The following TTC27 variants were observed in gnomAD, a reference collection of about 807,000 sequenced individuals.
TTC27 encodes the protein tetratricopeptide repeat domain 27.
Under a neutral mutation model 115.9 loss-of-function variants are expected in TTC27, and 79 were observed. That is an observed-to-expected ratio of 0.68 (90% confidence interval 0.57 to 0.82). TTC27 has a LOEUF of 0.82. Ranked by LOEUF, TTC27 falls within the 40% of genes least tolerant of loss-of-function variation. TTC27 has a pLI of 0.00. For synonymous variants in TTC27, 401 were observed against 356.0 expected (o/e 1.13, Z -1.42); for missense variants, 1,054 against 993.1 (o/e 1.06, Z -0.82).
At chr2:32,797,956 G>A (rs993809243) in intron 16 of TTC27, among the ~76,000 whole-genome samples, 6 of 151,994 alleles carry the variant, frequency 3.9e-5, no homozygotes, top group Admixed American at 1.3e-4. Context: ...AATGTGCAAA[G>A]GAGTTGAATA....
chr2:32,767,110 A>G (rs1450941034), intron 13 of TTC27, among the ~76,000 whole-genome samples: 1 of 152,126 alleles, frequency 6.6e-6, no homozygotes, highest in African/African-American at 2.4e-5. Context: ...AGCAAATCCC[A>G]TACATCAAAT....
chr2:32,780,578 T>C (rs1670142355), intron 14 of TTC27, among the ~76,000 whole-genome samples: 1 of 152,096 alleles, frequency 6.6e-6, no homozygotes, highest in Non-Finnish European at 1.5e-5. Flanking sequence ...TAGCTGGGAT[T>C]ACAGGTGTGC....
intron 12 of TTC27, among the ~76,000 whole-genome samples, chr2:32,739,336 C>T (rs1668550048): frequency 6.6e-6 from 1 of 151,942 alleles, no homozygotes; most frequent in African/African-American, 2.4e-5. Flanking sequence ...ATGCTCAAAG[C>T]ATATTTTAGA....
intron 15 of TTC27, among the ~76,000 whole-genome samples, chr2:32,784,707 T>C (rs1471664315): frequency 1.3e-5 from 2 of 152,136 alleles, no homozygotes; most frequent in Non-Finnish European, 2.9e-5. Flanking sequence ...ATGGAACAAT[T>C]TTGAGGCTAG....
At position 32,655,109 on chromosome 2, in the gene TTC27, C is replaced by A. The variant is rs150765695; in HGVS notation, c.640+4876C>A. Among the ~76,000 whole-genome samples the A allele has an allele frequency of 9.6e-3, 1,467 of 152,060 alleles. 19 individuals carry two copies. The highest frequency in any genetic ancestry group is 0.034 in the African/African-American group (1,424 of 41,478). On this transcript the variant is annotated intron_variant, in intron 5 of 19. Coordinates refer to ENST00000317907, the MANE Select transcript of TTC27 (RefSeq NM_017735.5). ...GTTCAAGTGATTCTCCTACCTCAGC[C>A]TCTCAAGCAGCTGGGACTATGGGTG...
At chr2:32,800,735 A>C (rs1449134430) in intron 16 of TTC27, among the ~76,000 whole-genome samples, 2 of 149,518 alleles carry the variant, frequency 1.3e-5, no homozygotes, top group Admixed American at 6.6e-5. Flanking sequence ...CCTGACCTCA[A>C]GTGATCCACC....
intron 13 of TTC27, among the ~76,000 whole-genome samples, chr2:32,776,055 TTC>T (rs1669987484): frequency 1.3e-5 from 2 of 152,138 alleles, no homozygotes; most frequent in African/African-American, 4.8e-5. Context: ...AAAAGTGAAC[TTC>T]TAACTTTTAG....
At chr2:32,729,753 A>G (rs1022870113) in intron 10 of TTC27, among the ~76,000 whole-genome samples, 14 of 152,028 alleles carry the variant, frequency 9.2e-5, no homozygotes, top group African/African-American at 3.4e-4. Flanking sequence ...TCATCCACCT[A>G]GAGTAGACTG....
intron 10 of TTC27, among the ~76,000 whole-genome samples, chr2:32,714,920 C>G (rs1667704654): frequency 6.6e-6 from 1 of 152,086 alleles, no homozygotes; most frequent in Non-Finnish European, 1.5e-5. Flanking sequence ...CCTTTGCCCA[C>G]TTTTTAATGG....
chr2:32,766,346 A>G, intron 13 of TTC27: 1 of 209,210 alleles, frequency 4.8e-6, no homozygotes, highest in South Asian at 6.5e-5. Flanking sequence ...TGTGATCCAC[A>G]GTCCCTCATC....
rs552408196 is a variant in TTC27, at chr2:32,630,949, C to A, written c.266+249C>A. Among the ~76,000 whole-genome samples, 16 of 152,240 alleles carry A rather than the reference C, an allele frequency of 1.1e-4. No homozygotes were observed. The East Asian group carries it at 3.1e-3, about 29-fold the overall frequency. On this transcript the variant is annotated intron_variant, in intron 2 of 19. Transcript: ENST00000317907. ...CATATTTTGGTGTTAACTGCAAATG[C>A]TTAGGTCTGGTCGGCTTTACCCACC...
chr2:32,728,649 A>G (rs182219677), intron 10 of TTC27, among the ~76,000 whole-genome samples: 36 of 152,356 alleles, frequency 2.4e-4, no homozygotes, highest in Admixed American at 2.3e-3. Flanking sequence ...AAAGTTGCCA[A>G]CTGTGGTCTT....
At chr2:32,752,013 A>G (rs1669035165) in intron 12 of TTC27, among the ~76,000 whole-genome samples, 1 of 152,214 alleles carries the variant, frequency 6.6e-6, no homozygotes, top group Non-Finnish European at 1.5e-5. Context: ...GTCACTACTT[A>G]AGATCCATGC....
chr2:32,683,678 A>G (rs1272387796), intron 9 of TTC27, among the ~76,000 whole-genome samples: 3 of 152,186 alleles, frequency 2.0e-5, no homozygotes, highest in African/African-American at 7.2e-5. Context: ...AAAATAACCC[A>G]TATTGTTTTA....
chr2:32,679,495 G>A (rs994295948), intron 9 of TTC27, among the ~76,000 whole-genome samples: 5 of 152,336 alleles, frequency 3.3e-5, no homozygotes, highest in South Asian at 2.1e-4. Flanking sequence ...AGTCACAGAC[G>A]AAGGGGTCAG....
At chr2:32,639,146 C>T (rs1020865218) in intron 3 of TTC27, among the ~76,000 whole-genome samples, 2 of 152,118 alleles carry the variant, frequency 1.3e-5, no homozygotes, top group African/African-American at 4.8e-5. Flanking sequence ...TATTTCATTT[C>T]ATAATTGATG....
At chr2:32,664,586 G>A in intron 6 of TTC27, 119 bp downstream of exon 6, 1 of 812,892 alleles carries the variant, frequency 1.2e-6, no homozygotes, top group African/African-American at 1.8e-5. Context: ...TACAAAAGTA[G>A]ACTTTAAAGG....
rs1353680069 is a variant in TTC27, at chr2:32,812,607, T to C, written c.2300T>C (p.Leu767Pro). ...GAAGTTGTTCAAAGAGCCTTAGGAC[T>C]TGCACATGGTATTTGATGTAACATT... The part of the protein sequence containing the change: ...FKEVVQRALG[L>P]AHVAIKCSKN... Residue 767 changes from leucine (L) to proline (P), a missense_variant, in exon 18 of 20, where the codon CTT becomes CCT. By Grantham distance (98) the Leu-to-Pro change is moderately conservative. Transcript: ENST00000317907. The C allele has an allele frequency of 6.2e-7, 1 of 1,610,082 alleles. No homozygotes were observed. The highest frequency in any genetic ancestry group is 2.2e-5 in the East Asian group (1 of 44,862).
At chr2:32,723,701 TCCCTCCCTC>T (rs1668002373) in intron 10 of TTC27, among the ~76,000 whole-genome samples, 1 of 57,398 alleles carries the variant, frequency 1.7e-5, no homozygotes, top group East Asian at 4.0e-4. Flanking sequence ...CCTTCCTCCC[TCCCTCCCTC>T]CCTCCCTCCC....
Sources: allele counts gnomAD v4.1 joint callset (sites outside exome capture counted in the v4.1 genomes callset), GRCh38; gene constraint gnomAD v4.1.1; transcripts MANE v1.5; gene names NCBI Gene and HGNC (gene_info 2026-07-23, HGNC 2026-07-21).